Variants in LAMA2 observed in about 807,000 individuals in gnomAD.
The protein encoded by LAMA2 is laminin subunit alpha 2.
A neutral mutation model predicts 364.8 loss-of-function variants in LAMA2; 269 were observed. The observed-to-expected ratio is 0.74, with a 90% confidence interval of 0.67 to 0.82. The LOEUF is 0.82. Ranked by LOEUF, LAMA2 falls within the 40% of genes least tolerant of loss-of-function variation. The pLI is 0.00. For synonymous variants in LAMA2, 1,379 were observed against 1,370.6 expected (o/e 1.01, Z -0.14); for missense variants, 3,807 against 3,873.2 (o/e 0.98, Z 0.45).
In LAMA2 at chr6:129,160,494, A is replaced by T. The variant is rs140965494; in HGVS notation, c.1207-5082A>T. On this transcript the variant is annotated intron_variant, in intron 8 of 64. Coordinates refer to ENST00000421865, the MANE Select transcript of LAMA2 (RefSeq NM_000426.4). ...GCTTTTCTCCTTTTATTGATCACTT[A>T]TGTTAGGGGTTTATCAATTTTCCTA... Among the ~76,000 whole-genome samples the T allele has an allele frequency of 3.1e-4, 47 of 152,078 alleles. No individual in the cohort carries two copies. The East Asian group carries it at 8.3e-3, about 27-fold the overall frequency.
intron 1 of LAMA2, among the ~76,000 whole-genome samples, chr6:128,943,568 T>G (rs1780308267): frequency 6.6e-6 from 1 of 152,190 alleles, no homozygotes; most frequent in Non-Finnish European, 1.5e-5. Flanking sequence ...GCTGAAATTA[T>G]AGGCGTAAGC....
chr6:128,884,076 T>C lies in LAMA2; in HGVS notation c.112+719T>C, dbSNP rs563386223. ...ACTTTAAGGCCACAGTGACTAGATA[T>C]ACACTTTGGAGGACTTTGGAAGATG... On this transcript the variant is annotated intron_variant, in intron 1 of 64. Transcript: ENST00000421865. 5.3e-4 allele frequency among the ~76,000 whole-genome samples: 80 copies of C among 152,272 alleles called. 2 individuals are homozygous for C. The highest frequency in any genetic ancestry group is 3.4e-3 in the Middle Eastern group (1 of 292).
At chr6:129,154,999 G>GAC (rs1779023802) in intron 8 of LAMA2, among the ~76,000 whole-genome samples, 1 of 152,112 alleles carries the variant, frequency 6.6e-6, no homozygotes, top group East Asian at 1.9e-4. Flanking sequence ...AAATCATACA[G>GAC]TACATACTAG....
At chr6:128,956,381 A>T (rs931299987) in intron 1 of LAMA2, among the ~76,000 whole-genome samples, 1 of 151,966 alleles carries the variant, frequency 6.6e-6, no homozygotes, top group Non-Finnish European at 1.5e-5. Flanking sequence ...AAAGTTCAAG[A>T]AGCCGTGAGA....
intron 38 of LAMA2, among the ~76,000 whole-genome samples, 169 bp from the exon 39 acceptor site, chr6:129,402,155 G>A (rs1443202476): frequency 1.3e-5 from 2 of 149,428 alleles, no homozygotes; most frequent in Non-Finnish European, 3.0e-5. Flanking sequence ...GTTGCAGTGA[G>A]CTGAGATCGC....
At chr6:128,998,112 GAA>G (rs1250787664) in intron 1 of LAMA2, among the ~76,000 whole-genome samples, 2 of 152,110 alleles carry the variant, frequency 1.3e-5, no homozygotes, top group East Asian at 3.9e-4. Flanking sequence ...CGGAGAGGAG[GAA>G]AAGAGGTCAG....
At chr6:129,421,731 C>G (rs1167670993) in intron 40 of LAMA2, among the ~76,000 whole-genome samples, 1 of 152,162 alleles carries the variant, frequency 6.6e-6, no homozygotes, top group East Asian at 1.9e-4. Flanking sequence ...TTGTAACTGA[C>G]AGTTGTATGC....
At chr6:128,900,925 G>A (rs1431493546) in intron 1 of LAMA2, among the ~76,000 whole-genome samples, 1 of 152,226 alleles carries the variant, frequency 6.6e-6, no homozygotes, top group Non-Finnish European at 1.5e-5. Context: ...GCCAAGGCAG[G>A]AGGATGGCTT....
intron 12 of LAMA2, among the ~76,000 whole-genome samples, chr6:129,201,252 C>T (rs1389541767): frequency 1.3e-5 from 2 of 152,120 alleles, no homozygotes; most frequent in East Asian, 1.9e-4. Context: ...CACAGCCTGG[C>T]CTTGCCAAAT....
intron 1 of LAMA2, among the ~76,000 whole-genome samples, chr6:128,991,238 T>C (rs1240761834): frequency 2.6e-5 from 4 of 152,202 alleles, no homozygotes; most frequent in Non-Finnish European, 5.9e-5. Context: ...TCCTCCTTTT[T>C]TTCCCCCTCC....
chr6:128,888,120 G>T (rs181552366), intron 1 of LAMA2, among the ~76,000 whole-genome samples: 1 of 152,130 alleles, frequency 6.6e-6, no homozygotes, highest in Non-Finnish European at 1.5e-5. Flanking sequence ...CAGAAGCTCC[G>T]TTTCAGTAAA....
At chr6:129,012,782 G>T (rs1378294810) in intron 1 of LAMA2, among the ~76,000 whole-genome samples, 1 of 152,202 alleles carries the variant, frequency 6.6e-6, no homozygotes, top group South Asian at 2.1e-4. Context: ...CACTGTGCTT[G>T]GCCCTCACTA....
At chr6:129,104,082 T>C (rs540323711) in intron 4 of LAMA2, among the ~76,000 whole-genome samples, 134 of 152,144 alleles carry the variant, frequency 8.8e-4, no homozygotes, top group Non-Finnish European at 1.5e-3. Flanking sequence ...TAGAGTCCAG[T>C]GGCATGATTA....
chr6:129,492,317 C>T lies in LAMA2; in HGVS notation c.8078C>T (p.Pro2693Leu). Reference sequence around the variant, plus strand: ...TCTTATTTATTACATTCTATTAGCCCCATGGACTTTGCAAGGCCTGTGTCC... The same window carrying T: ...TCTTATTTATTACATTCTATTAGCCTCATGGACTTTGCAAGGCCTGTGTCC... ...CIWNLVINSV[P>L]MDFARPVSFK... Residue 2693 changes from proline (P) to leucine (L), a missense_variant and splice_region_variant, in exon 58 of 65, where the codon CCC becomes CTC. By Grantham distance (98) the Pro-to-Leu change is moderately conservative. Around this residue, in one of 3 missense-constraint regions of LAMA2, gnomAD observed 3,333 missense variants for 3,345.7 expected, o/e 1.00. Transcript: ENST00000421865. 2 of 1,613,806 alleles carry T rather than the reference C, an allele frequency of 1.2e-6. No individual in the cohort carries two copies.
rs145647936 is a variant in LAMA2, at chr6:129,364,857, C to T, written c.4718-1362C>T. 7.2e-4 allele frequency among the ~76,000 whole-genome samples: 110 copies of T among 152,282 alleles called. 3 individuals are homozygous for T. In the East Asian group the frequency reaches 0.02, roughly 27 times the overall value. On this transcript the variant is annotated intron_variant, in intron 32 of 64. Transcript: ENST00000421865. ...GTACAGGAAGCATGGCTGGGGTGGC[C>T]TCAGGGAACTTTCACTCATGGCAGA...
chr6:129,266,743 C>T (rs571205562), intron 15 of LAMA2, among the ~76,000 whole-genome samples: 1 of 152,098 alleles, frequency 6.6e-6, no homozygotes, highest in Non-Finnish European at 1.5e-5. Flanking sequence ...TATGATGAGT[C>T]CTTTTATATC....
chr6:129,006,351 G>A (rs1478256585), intron 1 of LAMA2, among the ~76,000 whole-genome samples: 1 of 152,122 alleles, frequency 6.6e-6, no homozygotes, highest in African/African-American at 2.4e-5. Flanking sequence ...CCAATAGATT[G>A]TTTTAGCAAG....
At chr6:129,390,578 A>G (rs1047623160) in intron 35 of LAMA2, among the ~76,000 whole-genome samples, 20 of 152,080 alleles carry the variant, frequency 1.3e-4, no homozygotes, top group African/African-American at 4.1e-4. Context: ...TTATAGAAAT[A>G]AGTATTCAGC....
chr6:129,276,088 T>C (rs1353519557), intron 17 of LAMA2, among the ~76,000 whole-genome samples: 2 of 152,056 alleles, frequency 1.3e-5, no homozygotes, highest in Non-Finnish European at 2.9e-5. Flanking sequence ...AACACCAAAA[T>C]CATGAAGTAA....
Sources: allele counts gnomAD v4.1 joint callset (sites outside exome capture counted in the v4.1 genomes callset), GRCh38; gene constraint gnomAD v4.1.1; regional missense constraint gnomAD v4.1.1; transcripts MANE v1.5; gene names NCBI Gene and HGNC (gene_info 2026-07-23, HGNC 2026-07-21).